Variants in DNAJC1 observed in about 807,000 individuals in gnomAD.
DNAJC1 encodes dnaJ homolog subfamily C member 1.
Under a neutral mutation model 76.6 loss-of-function variants are expected in DNAJC1, and 58 were observed. The ratio of observed to expected loss-of-function variants is 0.76; its 90% CI spans 0.61 to 0.94. The LOEUF is 0.94. Ranked by LOEUF, DNAJC1 falls within the 40% of genes least tolerant of loss-of-function variation. The pLI is 0.00. For synonymous variants in DNAJC1, 258 were observed against 267.9 expected, an observed-to-expected ratio of 0.96 and a Z score of 0.36; for missense variants, 689 against 677.3, an observed-to-expected ratio of 1.02 and a Z score of -0.19.
chr10:21,784,382 A>AT (rs1834574658), intron 9 of DNAJC1, among the ~76,000 whole-genome samples: 1 of 152,224 alleles, frequency 6.6e-6, no homozygotes, highest in South Asian at 2.1e-4. Flanking sequence ...AATGGCAATC[A>AT]TTAAAAAGTC....
intron 9 of DNAJC1, among the ~76,000 whole-genome samples, chr10:21,783,383 T>G (rs1259474711): frequency 6.6e-6 from 1 of 152,152 alleles, no homozygotes; most frequent in African/African-American, 2.4e-5. Context: ...TACAAACTAC[T>G]GCTCAGCAAA....
chr10:21,945,174 G>A (rs529920331), intron 1 of DNAJC1, among the ~76,000 whole-genome samples: 2 of 152,198 alleles, frequency 1.3e-5, no homozygotes, highest in African/African-American at 4.8e-5. Flanking sequence ...AAGAATGTCA[G>A]CATTGTCAGT....
chr10:21,921,600 T>C (rs1837043536), intron 3 of DNAJC1, among the ~76,000 whole-genome samples: 1 of 152,012 alleles, frequency 6.6e-6, no homozygotes, highest in South Asian at 2.1e-4. Flanking sequence ...CCAGTGTTTA[T>C]GTTGGATTTC....
intron 9 of DNAJC1, among the ~76,000 whole-genome samples, chr10:21,781,228 C>A (rs1276484504): frequency 6.6e-6 from 1 of 152,188 alleles, no homozygotes; most frequent in Non-Finnish European, 1.5e-5. Context: ...TTGAACTCAG[C>A]TTTGCACCAA....
chr10:21,801,791 G>A (rs1445948808), intron 9 of DNAJC1, among the ~76,000 whole-genome samples: 5 of 152,132 alleles, frequency 3.3e-5, no homozygotes, highest in Admixed American at 1.3e-4. Flanking sequence ...TATACACCAC[G>A]GAATACTATG....
chr10:21,965,812 C>T (rs931159566), intron 1 of DNAJC1, among the ~76,000 whole-genome samples: 1 of 152,170 alleles, frequency 6.6e-6, no homozygotes, highest in Non-Finnish European at 1.5e-5. Context: ...AGTAGCTGTA[C>T]TTTCACCACT....
chr10:21,813,948 A>C (rs534239182), intron 8 of DNAJC1, among the ~76,000 whole-genome samples: 7 of 152,190 alleles, frequency 4.6e-5, no homozygotes, highest in Non-Finnish European at 8.8e-5. Context: ...TCTCTGACCC[A>C]GGAGTCTCAT....
chr10:21,914,774 T>G (rs1836924447), intron 6 of DNAJC1, among the ~76,000 whole-genome samples: 1 of 152,164 alleles, frequency 6.6e-6, no homozygotes, highest in African/African-American at 2.4e-5. Context: ...ATCTACAAAA[T>G]TATCTTTGTA....
At position 21,825,883 on chromosome 10, in the gene DNAJC1, T is replaced by C. The variant is rs561087547; in HGVS notation, c.979-19784A>G. ...TCTTTGAACTGAGTTATGTTGTTGTTATTGAGTTGGACTTCTTTATATATT... is the reference window on the plus strand; with the variant it reads ...TCTTTGAACTGAGTTATGTTGTTGTCATTGAGTTGGACTTCTTTATATATT... On this transcript the variant is annotated intron_variant, in intron 8 of 11. Coordinates refer to ENST00000376980, the MANE Select transcript of DNAJC1 (RefSeq NM_022365.4). Among the ~76,000 whole-genome samples, 3 of 152,298 alleles carry C rather than the reference T, an allele frequency of 2.0e-5. No individual in the cohort carries two copies. In the East Asian group the frequency reaches 5.8e-4, roughly 29 times the overall value.
intron 9 of DNAJC1, among the ~76,000 whole-genome samples, chr10:21,767,838 T>C (rs569472032): frequency 2.6e-5 from 4 of 152,056 alleles, no homozygotes; most frequent in Non-Finnish European, 4.4e-5. Context: ...CTACTAAAAA[T>C]ACAAAAATTA....
intron 1 of DNAJC1, among the ~76,000 whole-genome samples, chr10:21,954,117 T>C (rs895925557): frequency 5.3e-5 from 8 of 152,140 alleles, no homozygotes; most frequent in African/African-American, 1.9e-4. Flanking sequence ...GTACAGTTCA[T>C]GAATTACTCC....
At chr10:21,976,051 C>A (rs373511536) in intron 1 of DNAJC1, among the ~76,000 whole-genome samples, 15 of 152,286 alleles carry the variant, frequency 9.8e-5, no homozygotes, top group African/African-American at 3.4e-4. Context: ...TTAGCTGCTG[C>A]ATAAGCAGCT....
chr10:21,926,906 T>A (rs966891959), intron 3 of DNAJC1, among the ~76,000 whole-genome samples: 1 of 152,230 alleles, frequency 6.6e-6, no homozygotes, highest in African/African-American at 2.4e-5. Flanking sequence ...AGAAGTGATT[T>A]GTTTTGAAAA....
intron 1 of DNAJC1, among the ~76,000 whole-genome samples, chr10:21,964,274 G>C (rs753222457): frequency 2.0e-5 from 3 of 152,014 alleles, no homozygotes; most frequent in Non-Finnish European, 2.9e-5. Context: ...GAGTGCAGTG[G>C]CACGATCTCG....
intron 8 of DNAJC1, among the ~76,000 whole-genome samples, chr10:21,858,748 C>T (rs1040302264): frequency 5.3e-5 from 8 of 152,106 alleles, no homozygotes; most frequent in Non-Finnish European, 1.0e-4. Context: ...ACATAAAACA[C>T]TGCAGAACAT....
At chr10:21,831,606 T>C (rs934950265) in intron 8 of DNAJC1, among the ~76,000 whole-genome samples, 2 of 151,946 alleles carry the variant, frequency 1.3e-5, no homozygotes, top group African/African-American at 4.8e-5. Flanking sequence ...CTGGCTAACA[T>C]GGTGAAACCC....
At chr10:21,850,992 C>T (rs377302055) in intron 8 of DNAJC1, among the ~76,000 whole-genome samples, 64 of 152,094 alleles carry the variant, frequency 4.2e-4, no homozygotes, top group African/African-American at 1.4e-3. Flanking sequence ...ATAACTCACA[C>T]CACAAATAAA....
chr10:21,867,983 G>C (rs557036710), intron 8 of DNAJC1, among the ~76,000 whole-genome samples: 1 of 145,994 alleles, frequency 6.8e-6, no homozygotes, highest in African/African-American at 2.5e-5. Flanking sequence ...TGAGGCAGGA[G>C]AATTGCTTGA....
At chr10:21,795,233 G>C (rs1193436175) in intron 9 of DNAJC1, among the ~76,000 whole-genome samples, 1 of 152,066 alleles carries the variant, frequency 6.6e-6, no homozygotes, top group Non-Finnish European at 1.5e-5. Context: ...CAGCACCAAA[G>C]TGGAAATAAG....
Sources: allele counts gnomAD v4.1 joint callset (sites outside exome capture counted in the v4.1 genomes callset), GRCh38; gene constraint gnomAD v4.1.1; transcripts MANE v1.5; gene names NCBI Gene and HGNC (gene_info 2026-07-23, HGNC 2026-07-21).